The following ARB2A variants were observed in gnomAD, a reference collection of about 807,000 sequenced individuals.
ARB2A encodes the protein cotranscriptional regulator ARB2A.
chr5:93,717,440 C>CTTT, the ARB2A span, among the ~76,000 whole-genome samples: 8 of 107,392 alleles, frequency 7.4e-5, no homozygotes, highest in East Asian at 1.4e-3. Flanking sequence ...ACCACAGTTG[C>CTTT]TTTTTTTTTT....
the ARB2A span, among the ~76,000 whole-genome samples, chr5:93,836,297 G>A: frequency 1.3e-5 from 2 of 152,160 alleles, no homozygotes; most frequent in African/African-American, 4.8e-5. Flanking sequence ...AAAGTGCTAG[G>A]ATTACAGGCG....
the ARB2A span, among the ~76,000 whole-genome samples, chr5:93,633,709 C>T: frequency 1.3e-5 from 2 of 152,060 alleles, no homozygotes; most frequent in African/African-American, 2.4e-5. Flanking sequence ...GTGTTTCTTT[C>T]GATTCTAAAA....
chr5:94,061,448 G>C, the ARB2A span, among the ~76,000 whole-genome samples: 4 of 152,140 alleles, frequency 2.6e-5, no homozygotes, highest in Non-Finnish European at 5.9e-5. Flanking sequence ...AGTACTGAAA[G>C]TCCTAGTCAA....
the ARB2A span, among the ~76,000 whole-genome samples, chr5:93,942,656 A>G: frequency 6.6e-6 from 1 of 151,696 alleles, no homozygotes; most frequent in Non-Finnish European, 1.5e-5. Context: ...ATCATATTTC[A>G]TGACTATTTA....
chr5:93,946,629 T>G, the ARB2A span, among the ~76,000 whole-genome samples: 4 of 152,238 alleles, frequency 2.6e-5, no homozygotes, highest in South Asian at 8.3e-4. Context: ...TTTTAAAATA[T>G]GGATACAATG....
chr5:94,005,495 A>G, the ARB2A span, among the ~76,000 whole-genome samples: 1 of 152,166 alleles, frequency 6.6e-6, no homozygotes, highest in Non-Finnish European at 1.5e-5. Context: ...GGTGTGCACC[A>G]CCACACCTGG....
At chr5:93,799,067 CA>C in the ARB2A span, among the ~76,000 whole-genome samples, 31 of 152,168 alleles carry the variant, frequency 2.0e-4, no homozygotes, top group African/African-American at 7.0e-4. Flanking sequence ...TCATCTTTGT[CA>C]GAAATTATGT....
chr5:93,856,833 G>A, the ARB2A span, among the ~76,000 whole-genome samples: 8 of 152,102 alleles, frequency 5.3e-5, no homozygotes, highest in South Asian at 4.2e-4. Flanking sequence ...GAGGAACTGC[G>A]TTCCTTTGAA....
At chr5:93,740,410 T>C in the ARB2A span, 3 of 692,308 alleles carry the variant, frequency 4.3e-6, no homozygotes, top group Non-Finnish European at 7.0e-6. Context: ...TCCCAGGTTT[T>C]TCTTGAACAA....
the ARB2A span, among the ~76,000 whole-genome samples, chr5:94,068,983 C>T: frequency 7.9e-4 from 119 of 151,446 alleles, no homozygotes; most frequent in Non-Finnish European, 9.0e-4. Flanking sequence ...TGCAGTGAGC[C>T]GAGATCGTGC....
the ARB2A span, chr5:93,620,445 C>A: frequency 2.7e-5 from 4 of 146,430 alleles, no homozygotes; most frequent in East Asian, 2.1e-4. Flanking sequence ...AATTTGAAAT[C>A]GGCTTTGGAG....
the ARB2A span, among the ~76,000 whole-genome samples, chr5:93,815,049 C>G: frequency 3.3e-5 from 5 of 152,042 alleles, 1 homozygote; most frequent in South Asian, 8.3e-4. Flanking sequence ...TCCTATGTTG[C>G]CCTGGGTGGT....
At chr5:94,076,378 T>A in the ARB2A span, among the ~76,000 whole-genome samples, 4 of 152,176 alleles carry the variant, frequency 2.6e-5, no homozygotes, top group Admixed American at 2.6e-4. Flanking sequence ...ACTCTATAAT[T>A]TCTACATGAA....
chr5:93,937,318 G>A, the ARB2A span, among the ~76,000 whole-genome samples: 1 of 151,406 alleles, frequency 6.6e-6, no homozygotes, highest in African/African-American at 2.4e-5. Flanking sequence ...GAGAGAGAGT[G>A]CAGGCTGGCC....
chr5:93,701,337 C>T, the ARB2A span, among the ~76,000 whole-genome samples: 2 of 152,130 alleles, frequency 1.3e-5, no homozygotes, highest in South Asian at 4.1e-4. Context: ...CATATACTTA[C>T]GCATATCTGT....
At chr5:93,789,628 T>A in the ARB2A span, among the ~76,000 whole-genome samples, 1 of 152,212 alleles carries the variant, frequency 6.6e-6, no homozygotes, top group Non-Finnish European at 1.5e-5. Flanking sequence ...CTGCATATTC[T>A]CCATTTCATG....
the ARB2A span, among the ~76,000 whole-genome samples, chr5:93,623,837 G>T: frequency 1.3e-5 from 2 of 152,094 alleles, no homozygotes; most frequent in African/African-American, 4.8e-5. Flanking sequence ...ACATGAATAT[G>T]TAATATAAAA....
chr5:93,911,645 CACACACACAT>C, the ARB2A span, among the ~76,000 whole-genome samples: 2 of 151,758 alleles, frequency 1.3e-5, no homozygotes, highest in Non-Finnish European at 3.0e-5. Context: ...CACACACACA[CACACACACAT>C]ACACACAAAC....
chr5:94,009,029 A>T, the ARB2A span, among the ~76,000 whole-genome samples: 1 of 152,174 alleles, frequency 6.6e-6, no homozygotes, highest in African/African-American at 2.4e-5. Context: ...GTGAAAACTT[A>T]CATTATGAGA....
Sources: gnomAD v4.1 joint callset for allele counts (sites outside exome capture counted in the v4.1 genomes callset) on GRCh38, gnomAD v4.1.1 for gene constraint, MANE v1.5 for transcripts, NCBI Gene and HGNC (gene_info 2026-07-23, HGNC 2026-07-21) for gene names.